The following FAM222B variants were observed in gnomAD, a reference collection of about 807,000 sequenced individuals.
FAM222B encodes protein FAM222B.
Under a neutral mutation model 38.0 loss-of-function variants are expected in FAM222B, and 12 were observed. The ratio of observed to expected loss-of-function variants is 0.32; its 90% CI spans 0.20 to 0.51. FAM222B has a LOEUF of 0.51. Ranked by LOEUF, FAM222B falls within the 20% of genes least tolerant of loss-of-function variation. The pLI is 0.97. For missense variants in FAM222B, 716 were observed against 754.2 expected (o/e 0.95, Z 0.59); for synonymous variants, 329 against 317.2 (o/e 1.04, Z -0.40).
intron 1 of FAM222B, among the ~76,000 whole-genome samples, chr17:28,771,591 T>A (rs2035635706): frequency 6.6e-6 from 1 of 151,888 alleles, no homozygotes; most frequent in Non-Finnish European, 1.5e-5. Flanking sequence ...TGAGGCATGA[T>A]GATCGCTTGA....
chr17:28,773,930 G>C (rs1191001595), intron 1 of FAM222B, among the ~76,000 whole-genome samples: 1 of 152,182 alleles, frequency 6.6e-6, no homozygotes, highest in East Asian at 1.9e-4. Context: ...GGTAGAAAAG[G>C]TACGGAATGA....
chr17:28,776,928 ACT>A (rs1371772644), intron 1 of FAM222B: 3 of 152,094 alleles, frequency 2.0e-5, no homozygotes, highest in Non-Finnish European at 2.9e-5. Context: ...ATCAAATCAG[ACT>A]CTGCAAAATC....
At chr17:28,813,227 T>G (rs1184861116) in intron 1 of FAM222B, among the ~76,000 whole-genome samples, 1 of 150,890 alleles carries the variant, frequency 6.6e-6, no homozygotes, top group Non-Finnish European at 1.5e-5. Flanking sequence ...GCTGGATGTA[T>G]CCAATCCAGT....
intron 1 of FAM222B, among the ~76,000 whole-genome samples, chr17:28,775,192 G>C (rs2035827803): frequency 6.6e-6 from 1 of 151,206 alleles, no homozygotes; most frequent in Non-Finnish European, 1.5e-5. Context: ...GTACAAACAG[G>C]GTTTCACCAT....
chr17:28,758,380 G>A lies in FAM222B; in HGVS notation c.1579C>T (p.Arg527Ter), dbSNP rs746524449. 12 of 1,613,754 alleles carry A rather than the reference G, an allele frequency of 7.4e-6. No individual in the cohort carries two copies. The highest frequency in any genetic ancestry group is 6.7e-5 in the East Asian group (3 of 44,886). ...CTCAGCATGGCCAGGCTCTGTTCTC[G>A]GAAGCAGGCCTGTTGGAAATCCCCA... ...LSGDFQQACF[R>*]EQSLAMLSKA... is the part of the protein sequence containing the mutation. Residue 527 changes from arginine (R) to a stop codon, truncating the protein, a stop_gained, in exon 3 of 3, where the codon CGA (arginine) becomes TGA (stop). Coordinates refer to ENST00000581407, the MANE Select transcript of FAM222B (RefSeq NM_001077498.3). LOFTEE classifies it high-confidence loss of function.
chr17:28,764,926 T>C (rs914926373), intron 2 of FAM222B, among the ~76,000 whole-genome samples: 15 of 152,148 alleles, frequency 9.9e-5, no homozygotes, highest in Non-Finnish European at 1.5e-5. Flanking sequence ...TGCATGCCTC[T>C]AAGTACGTTC....
intron 1 of FAM222B, among the ~76,000 whole-genome samples, chr17:28,768,442 A>G (rs533100065): frequency 1.5e-4 from 23 of 152,126 alleles, no homozygotes; most frequent in Non-Finnish European, 3.1e-4. Context: ...ATGAGAACAG[A>G]GCTGTCCAAG....
At chr17:28,823,362 AT>A (rs35057595) in intron 1 of FAM222B, among the ~76,000 whole-genome samples, 381 of 139,604 alleles carry the variant, frequency 2.7e-3, no homozygotes, top group East Asian at 4.2e-3. Context: ...ACTCCGTTCT[AT>A]TTTTTTTTTT....
intron 1 of FAM222B, among the ~76,000 whole-genome samples, chr17:28,824,114 T>A (rs554168059): frequency 6.6e-6 from 1 of 152,030 alleles, no homozygotes; most frequent in East Asian, 1.9e-4. Flanking sequence ...CCTAACCTCA[T>A]GATCCACCCG....
At chr17:28,783,025 C>T (rs1456172693) in intron 1 of FAM222B, among the ~76,000 whole-genome samples, 1 of 151,436 alleles carries the variant, frequency 6.6e-6, no homozygotes, top group Non-Finnish European at 1.5e-5. Flanking sequence ...GTAGCCCCAG[C>T]TACTTGGGAG....
chr17:28,827,655 T>G (rs1277372055), intron 1 of FAM222B, among the ~76,000 whole-genome samples: 1 of 152,022 alleles, frequency 6.6e-6, no homozygotes, highest in Admixed American at 6.6e-5. Context: ...ATTAGGAGAG[T>G]CTTAGTTATG....
chr17:28,771,065 G>C (rs1435240599), intron 1 of FAM222B, among the ~76,000 whole-genome samples: 5 of 150,176 alleles, frequency 3.3e-5, no homozygotes, highest in Non-Finnish European at 7.4e-5. Flanking sequence ...GCTAGTAAGA[G>C]TCCCATCTTG....
At chr17:28,809,481 T>G (rs2037643914) in intron 1 of FAM222B, among the ~76,000 whole-genome samples, 1 of 152,162 alleles carries the variant, frequency 6.6e-6, no homozygotes, top group Non-Finnish European at 1.5e-5. Context: ...CCTAAGAGAT[T>G]ATGGCTTTCT....
At chr17:28,785,864 T>C (rs1196383818) in intron 1 of FAM222B, among the ~76,000 whole-genome samples, 2 of 152,146 alleles carry the variant, frequency 1.3e-5, no homozygotes, top group African/African-American at 4.8e-5. Context: ...CCTGCCACCA[T>C]GCCCTGCTAA....
chr17:28,850,975 C>T (rs1004939249), intron 1 of FAM222B, among the ~76,000 whole-genome samples: 6 of 151,562 alleles, frequency 4.0e-5, no homozygotes, highest in East Asian at 1.9e-4. Context: ...AAAAATTAGC[C>T]GGGCTTGGTG....
intron 1 of FAM222B, among the ~76,000 whole-genome samples, chr17:28,776,375 C>CAA (rs35900323): frequency 0.031 from 1,960 of 62,234 alleles, 65 homozygotes; most frequent in Admixed American, 0.061. Flanking sequence ...GACTCCGTCT[C>CAA]AAAAAAAAAA....
chr17:28,813,203 A>G (rs2037881747), intron 1 of FAM222B, among the ~76,000 whole-genome samples: 1 of 151,526 alleles, frequency 6.6e-6, no homozygotes, highest in Non-Finnish European at 1.5e-5. Flanking sequence ...GATACAAAAC[A>G]TCCAATGTAT....
At chr17:28,847,641 G>A (rs1291934601), upstream of FAM222B, among the ~76,000 whole-genome samples, 2 of 151,786 alleles carry the variant, frequency 1.3e-5, no homozygotes, top group Admixed American at 1.3e-4. Context: ...AAGGCCGGGC[G>A]CGGTGGCTCA....
intron 1 of FAM222B, among the ~76,000 whole-genome samples, chr17:28,770,615 G>A (rs1420704557): frequency 6.6e-6 from 1 of 150,694 alleles, no homozygotes; most frequent in Non-Finnish European, 1.5e-5. Flanking sequence ...CTCTCACCCA[G>A]GCTGGAGTGC....
Sources: allele counts gnomAD v4.1 joint callset (sites outside exome capture counted in the v4.1 genomes callset), GRCh38; gene constraint gnomAD v4.1.1; transcripts MANE v1.5; gene names NCBI Gene and HGNC (gene_info 2026-07-23, HGNC 2026-07-21).